The following RCOR3 variants were observed in gnomAD, a reference collection of about 807,000 sequenced individuals.
RCOR3 encodes REST corepressor 3.
RCOR3 carries 13 observed loss-of-function variants against 64.1 expected under a neutral mutation model. The observed-to-expected ratio is 0.20, with a 90% CI of 0.13 to 0.32. RCOR3 has a LOEUF of 0.32. Ranked by LOEUF, RCOR3 falls within the 10% of genes least tolerant of loss-of-function variation. The pLI, the probability that RCOR3 is intolerant of heterozygous loss-of-function variation, is 1.00. For synonymous variants in RCOR3, 215 were observed against 239.0 expected, an observed-to-expected ratio of 0.90 and a Z score of 0.93; for missense variants, 489 against 701.2, an observed-to-expected ratio of 0.70 and a Z score of 3.42.
At chr1:211,308,794 C>A (rs994187889) in intron 10 of RCOR3, among the ~76,000 whole-genome samples, 1 of 145,186 alleles carries the variant, frequency 6.9e-6, no homozygotes, top group Admixed American at 7.2e-5. Flanking sequence ...TCACTGCAAC[C>A]TCCACCTCCT....
intron 2 of RCOR3, among the ~76,000 whole-genome samples, chr1:211,262,014 G>A (rs1274625963): frequency 7.5e-6 from 1 of 133,210 alleles, no homozygotes; most frequent in Non-Finnish European, 1.6e-5. Context: ...CTGAGCCTCA[G>A]TATTCCTAGC....
intron 10 of RCOR3, among the ~76,000 whole-genome samples, chr1:211,308,172 C>A (rs1457472737): frequency 6.6e-6 from 1 of 152,138 alleles, no homozygotes; most frequent in East Asian, 1.9e-4. Context: ...GATTATTTTT[C>A]TATTATAACA....
Position 211,259,549 on chromosome 1 carries a change from C to T in RCOR3, c.-12C>T. ...CCTCTTCCCCTCACCTTTCCCCCTC[C>T]CCTGTTCTACCATGCCCGGCATGAT... On this transcript the variant is annotated 5_prime_UTR_variant, in exon 1 of 12. Coordinates refer to ENST00000419091, the MANE Select transcript of RCOR3 (RefSeq NM_001136223.3). 2.6e-6 allele frequency: 4 copies of T among 1,546,948 alleles called. No individual in the cohort carries two copies. The highest frequency in any genetic ancestry group is 3.5e-6 in the Non-Finnish European group (4 of 1,145,324).
At chr1:211,308,669 TTTTG>T (rs1558111330) in intron 10 of RCOR3, among the ~76,000 whole-genome samples, 1 of 25,138 alleles carries the variant, frequency 4.0e-5, no homozygotes, top group Admixed American at 4.8e-4. Flanking sequence ...GTGTTTTTTT[TTTTG>T]TTTTTTTTTT....
At position 211,260,145 on chromosome 1, in the gene RCOR3, G is replaced by C. The variant is rs149560531; in HGVS notation, c.204G>C (p.Arg68=). Residue 68 remains arginine (R), a synonymous_variant, in exon 2 of 12, where the codon CGG becomes CGC. Coordinates refer to ENST00000419091, the MANE Select transcript of RCOR3 (RefSeq NM_001136223.3). Reference sequence around the variant, plus strand: ...GAGTCGGAGCCGAATACCAAGCTCGGATCCCTGAATTTGATCCAGGTAGAT... The same window carrying C: ...GAGTCGGAGCCGAATACCAAGCTCGCATCCCTGAATTTGATCCAGGTAGAT... ...GMRVGAEYQA[R]IPEFDPGATK... 74 of 1,612,296 alleles carry C rather than the reference G, an allele frequency of 4.6e-5. No homozygotes were observed. Among genetic ancestry groups the C allele is most frequent in the Admixed American group, 6.7e-5 (4 of 59,938 alleles).
intron 2 of RCOR3, 49 bp downstream of exon 2, chr1:211,260,213 G>T (rs760608522): frequency 5.1e-6 from 8 of 1,571,306 alleles, no homozygotes; most frequent in African/African-American, 1.4e-5. Context: ...TCCTGGGCTT[G>T]GTTTGGGGTG....
At chr1:211,275,783 G>A (rs892244574) in intron 4 of RCOR3, among the ~76,000 whole-genome samples, 4 of 151,908 alleles carry the variant, frequency 2.6e-5, no homozygotes, top group Non-Finnish European at 5.9e-5. Context: ...CTTGGACATG[G>A]TTAGCCTGTG....
chr1:211,295,879 TTTA>T, intron 9 of RCOR3, 126 bp downstream of exon 9: 1 of 620,022 alleles, frequency 1.6e-6, no homozygotes, highest in Non-Finnish European at 2.9e-6. Context: ...ATATGGATAA[TTTA>T]TTATGTCTCT....
Position 211,314,955 on chromosome 1 carries a change from G to C in RCOR3, c.*1187G>C, listed in dbSNP as rs912564296. ...TTATCTAAAGATGTATCAGTATATT[G>C]TCACAGTTGTGCTGTTAACTAAAAA... On this transcript the variant is annotated 3_prime_UTR_variant, in exon 12 of 12. Coordinates refer to ENST00000419091, the MANE Select transcript of RCOR3 (RefSeq NM_001136223.3). 6.6e-6 allele frequency: 1 copy of C among 152,124 alleles called. No homozygotes were observed. Among genetic ancestry groups the C allele is most frequent in the Non-Finnish European group, 1.5e-5 (1 of 67,996 alleles). The allele number at this position is 152,124 out of a possible 1,614,324, so 9.4% of individuals were successfully genotyped here.
At chr1:211,298,405 A>G (rs1344732164) in intron 9 of RCOR3, among the ~76,000 whole-genome samples, 1 of 152,218 alleles carries the variant, frequency 6.6e-6, no homozygotes, top group Non-Finnish European at 1.5e-5. Context: ...GCAATGGTTT[A>G]GTGTTGAACA....
intron 4 of RCOR3, among the ~76,000 whole-genome samples, chr1:211,275,772 T>C (rs899389430): frequency 1.3e-5 from 2 of 152,172 alleles, no homozygotes; most frequent in African/African-American, 2.4e-5. Context: ...TACTTTTACT[T>C]CTTGGACATG....
At chr1:211,280,220 A>C (rs1697589109) in intron 7 of RCOR3, among the ~76,000 whole-genome samples, 2 of 152,168 alleles carry the variant, frequency 1.3e-5, no homozygotes. Flanking sequence ...CCCTAAAAAC[A>C]CTTGGCAGAT....
chr1:211,301,749 A>G (rs1006845285), intron 9 of RCOR3: 1 of 152,074 alleles, frequency 6.6e-6, no homozygotes, highest in African/African-American at 2.4e-5. Context: ...TGTACTTTTT[A>G]ACTTTAAAGT....
At chr1:211,270,343 A>G (rs1461186967) in intron 2 of RCOR3, among the ~76,000 whole-genome samples, 1 of 152,170 alleles carries the variant, frequency 6.6e-6, no homozygotes, top group African/African-American at 2.4e-5. Context: ...GATTACAGGC[A>G]TGAGCCACCA....
chr1:211,312,188 C>T lies in RCOR3; in HGVS notation c.1076-532C>T, dbSNP rs1701556735. The stretch of plus-strand genomic sequence containing the variant: ...TATCTAATTTCAATTTGTTGGTACC[C>T]TGGTGCTATAGGCAAGTATTCATGT... On this transcript the variant is annotated intron_variant, in intron 10 of 11. Coordinates refer to ENST00000419091, the MANE Select transcript of RCOR3 (RefSeq NM_001136223.3). The surrounding 1 kb of genome is among the most constrained non-coding windows in gnomAD (Gnocchi z 5.0). 9.3e-6 allele frequency: 2 copies of T among 214,584 alleles called. No individual in the cohort carries two copies. The highest frequency in any genetic ancestry group is 4.6e-5 in the Admixed American group (1 of 21,596). The allele number at this position is 214,584 out of a possible 1,614,324, so 13.3% of individuals were successfully genotyped here.
chr1:211,294,869 G>A (rs1262078348), intron 8 of RCOR3, among the ~76,000 whole-genome samples: 2 of 151,838 alleles, frequency 1.3e-5, no homozygotes, highest in African/African-American at 4.8e-5. Context: ...GATTACAGGC[G>A]TGAGCCACCG....
intron 8 of RCOR3, among the ~76,000 whole-genome samples, chr1:211,292,372 C>A (rs1332583896): frequency 6.6e-6 from 1 of 152,214 alleles, no homozygotes; most frequent in African/African-American, 2.4e-5. Context: ...CTTTAGAAAA[C>A]TTCTAAATCA....
At chr1:211,302,491 C>A (rs1342091896) in intron 9 of RCOR3, 1 of 152,110 alleles carries the variant, frequency 6.6e-6, no homozygotes, top group Non-Finnish European at 1.5e-5. Flanking sequence ...CAAAAAATGA[C>A]CCATTTTATG....
At chr1:211,274,063 T>C in intron 3 of RCOR3, 147 bp from the exon 4 acceptor site, 2 of 528,104 alleles carry the variant, frequency 3.8e-6, no homozygotes, top group Non-Finnish European at 6.7e-6. Context: ...TAAGTCTCTT[T>C]TTGTAACATT....
Sources: gnomAD v4.1 joint callset for allele counts (sites outside exome capture counted in the v4.1 genomes callset) on GRCh38, gnomAD v4.1.1 for gene constraint, Gnocchi (gnomAD v3.1) non-coding constraint, MANE v1.5 for transcripts, NCBI Gene and HGNC (gene_info 2026-07-23, HGNC 2026-07-21) for gene names.